Variants in MFF observed in about 807,000 individuals in gnomAD.
MFF encodes mitochondrial fission factor, also known as chromosome 2 open reading frame 33.
MFF carries 12 observed loss-of-function variants against 36.9 expected under a neutral mutation model. The observed-to-expected ratio is 0.33, with a 90% confidence interval of 0.21 to 0.53. The LOEUF (loss-of-function observed/expected upper bound fraction) is 0.53. Ranked by LOEUF, MFF falls within the 20% of genes least tolerant of loss-of-function variation. The probability of loss-of-function intolerance (pLI) is 0.95; values close to 1 mark genes in which losing one functional copy is unlikely to be tolerated. For synonymous variants in MFF, 99 were observed against 126.2 expected (o/e 0.78, Z 1.44); for missense variants, 348 against 366.6 (o/e 0.95, Z 0.42).
intron 4 of MFF, among the ~76,000 whole-genome samples, chr2:227,334,596 A>G (rs2074844662): frequency 6.6e-6 from 1 of 152,150 alleles, no homozygotes; most frequent in Non-Finnish European, 1.5e-5. Context: ...TCTGCAGTGG[A>G]TGCTAGAATG....
chr2:227,335,646 G>C (rs2074945490), intron 4 of MFF, among the ~76,000 whole-genome samples: 1 of 152,150 alleles, frequency 6.6e-6, no homozygotes, highest in South Asian at 2.1e-4. Context: ...CTATAAAATT[G>C]TTGTCTGAAA....
chr2:227,350,006 C>T (rs1236809245), intron 6 of MFF, among the ~76,000 whole-genome samples: 2 of 152,088 alleles, frequency 1.3e-5, no homozygotes, highest in Admixed American at 1.3e-4. Flanking sequence ...ATTCACAATT[C>T]CTTGACATAA....
rs1185601971 is a variant in MFF, at chr2:227,335,861, A to ATT, written c.351+3275_351+3276dup. Among the ~76,000 whole-genome samples, 6 of 152,310 alleles carry ATT rather than the reference A, an allele frequency of 3.9e-5. No individual in the cohort carries two copies. In the East Asian group the frequency reaches 1.2e-3, roughly 29 times the overall value. On this transcript the variant is annotated intron_variant, in intron 4 of 8. Transcript: ENST00000304593. ...TTCAATATGCCTAATCTCCACCAAT[A>ATT]TTTGGAAATCAGCTCTAAGATAAGA...
intron 2 of MFF, chr2:227,329,591 C>T: frequency 7.8e-6 from 4 of 512,164 alleles, no homozygotes; most frequent in Admixed American, 4.1e-5. Context: ...GATTTTTATT[C>T]TTTCTTTTTT....
chr2:227,334,707 A>G (rs571985387), intron 4 of MFF, among the ~76,000 whole-genome samples: 73 of 152,254 alleles, frequency 4.8e-4, no homozygotes, highest in African/African-American at 1.7e-3. Context: ...GAATGTTTGC[A>G]ACATTTGTGA....
In MFF at chr2:227,355,695, A is replaced by G. The variant is rs756607883; in HGVS notation, c.678A>G (p.Ile226Met). Residue 226 changes from isoleucine (I) to methionine (M), a missense_variant, in exon 8 of 9, where the codon ATA becomes ATG. Transcript: ENST00000304593. ...HDNVRYGISN[I>M]DTTIEGTSDD... Reference sequence around the variant, plus strand: ...TCTGCAGGTATGGCATTTCAAATATAGATACAACCATTGAAGGAACGTCAG... The same window carrying G: ...TCTGCAGGTATGGCATTTCAAATATGGATACAACCATTGAAGGAACGTCAG... 44 of 1,608,750 alleles carry G rather than the reference A, an allele frequency of 2.7e-5. No individual in the cohort carries two copies. The highest frequency in any genetic ancestry group is 3.6e-5 in the Non-Finnish European group (42 of 1,175,408).
At chr2:227,332,670 C>G in intron 4 of MFF, 82 bp downstream of exon 4, 1 of 1,013,038 alleles carries the variant, frequency 9.9e-7, no homozygotes, top group Non-Finnish European at 1.4e-6. Flanking sequence ...TTTATCATAT[C>G]TTTAGCAATA....
chr2:227,331,959 ATTTT>A (rs10549336), intron 3 of MFF, among the ~76,000 whole-genome samples: 7,569 of 75,738 alleles, frequency 0.1, 689 homozygotes, highest in Admixed American at 0.14. Context: ...CGCTGGAAGC[ATTTT>A]TTTTTTTTTT....
chr2:227,326,426 C>A (rs896260118), intron 1 of MFF, among the ~76,000 whole-genome samples: 1 of 152,126 alleles, frequency 6.6e-6, no homozygotes, highest in Non-Finnish European at 1.5e-5. Context: ...TTTAGTTATA[C>A]TTAGTAGTCT....
intron 7 of MFF, among the ~76,000 whole-genome samples, chr2:227,353,251 A>G (rs2076089890): frequency 1.3e-5 from 2 of 152,204 alleles, no homozygotes; most frequent in Admixed American, 1.3e-4. Context: ...ATCCCCATTT[A>G]GTTTTCCTAT....
At chr2:227,333,948 C>T (rs2074793977) in intron 4 of MFF, among the ~76,000 whole-genome samples, 1 of 152,138 alleles carries the variant, frequency 6.6e-6, no homozygotes, top group Non-Finnish European at 1.5e-5. Context: ...CCTCAGTAGA[C>T]CCAGGCTTTA....
intron 5 of MFF, among the ~76,000 whole-genome samples, chr2:227,343,042 T>C (rs545146698): frequency 1.3e-5 from 2 of 152,278 alleles, no homozygotes; most frequent in Non-Finnish European, 2.9e-5. Flanking sequence ...TGATTTTGCA[T>C]GTGTTGGTGA....
At position 227,331,959 on chromosome 2, in the gene MFF, A is replaced by ATATTTTTTT. The variant is rs572787657; in HGVS notation, c.182-459_182-458insATTTTTTTT. On this transcript the variant is annotated intron_variant, in intron 3 of 8. Transcript: ENST00000304593. ...AGTGAAATGTCAATACGCTGGAAGCATTTTTTTTTTTTTTTTTTTTTTTTT... is the reference window on the plus strand; with the variant it reads ...AGTGAAATGTCAATACGCTGGAAGCATATTTTTTTTTTTTTTTTTTTTTTTTTTTTTTTT... Among the ~76,000 whole-genome samples the ATATTTTTTT allele has an allele frequency of 3.0e-4, 23 of 76,836 alleles. 5 individuals carry two copies. Among genetic ancestry groups the ATATTTTTTT allele is most frequent in the African/African-American group, 5.0e-4 (11 of 21,964 alleles). The allele number at this position is 76,836 out of a possible 152,430, so 50.4% of individuals were successfully genotyped here.
intron 3 of MFF, among the ~76,000 whole-genome samples, chr2:227,331,837 G>A (rs2074592040): frequency 2.6e-5 from 4 of 151,982 alleles, no homozygotes. Flanking sequence ...TAAAAAATTG[G>A]CTGTTGTAAG....
At chr2:227,328,947 G>A (rs1267405587) in intron 2 of MFF, 158 bp downstream of exon 2, 1 of 152,218 alleles carries the variant, frequency 6.6e-6, no homozygotes, top group African/African-American at 2.4e-5. Context: ...TGAGCGTCCT[G>A]AGCAACCTCT....
At chr2:227,338,809 TG>T (rs1426923024) in intron 4 of MFF, among the ~76,000 whole-genome samples, 2 of 149,910 alleles carry the variant, frequency 1.3e-5, no homozygotes, top group Non-Finnish European at 3.0e-5. Context: ...CATTGCAGCC[TG>T]GGCGACAGAA....
Position 227,357,199 on chromosome 2 carries a change from A to G in MFF, c.*82A>G. On this transcript the variant is annotated 3_prime_UTR_variant, in exon 9 of 9. Transcript: ENST00000304593. ...CAAACTTCTTTGTTTCTGTCTCTGC[A>G]TTGTATGCCATTTTATAGTCCACAC... The G allele has an allele frequency of 6.9e-7, 1 of 1,449,726 alleles. No homozygotes were observed. The highest frequency in any genetic ancestry group is 9.4e-7 in the Non-Finnish European group (1 of 1,059,852). The allele number at this position is 1,449,726 out of a possible 1,614,324, so 89.8% of individuals were successfully genotyped here. A position where few individuals can be genotyped will look rare whatever the true frequency, so the allele number is the denominator to read the frequency against.
At chr2:227,346,506 A>C (rs2075720712) in intron 5 of MFF, among the ~76,000 whole-genome samples, 2 of 152,226 alleles carry the variant, frequency 1.3e-5, no homozygotes, top group South Asian at 4.1e-4. Context: ...AACGATTAAG[A>C]TTATTGTCAC....
intron 5 of MFF, among the ~76,000 whole-genome samples, chr2:227,343,635 G>A (rs1169008146): frequency 2.0e-5 from 3 of 152,030 alleles, no homozygotes; most frequent in East Asian, 3.8e-4. Flanking sequence ...ATACCTCACC[G>A]AAGAGGTTAA....
Sources: allele counts gnomAD v4.1 joint callset (sites outside exome capture counted in the v4.1 genomes callset), GRCh38; gene constraint gnomAD v4.1.1; transcripts MANE v1.5; gene names NCBI Gene and HGNC (gene_info 2026-07-23, HGNC 2026-07-21).